The following NUP210 variants were observed in gnomAD, a reference collection of about 807,000 sequenced individuals.
NUP210 encodes nucleoporin 210.
In NUP210, 151 loss-of-function variants were observed where a neutral mutation model predicts 196.0. That is an observed-to-expected ratio of 0.77 (90% CI 0.67 to 0.88). The LOEUF is 0.88. Among genes scored for constraint, NUP210 ranks in the 40% least tolerant of loss-of-function variants. NUP210 has a pLI of 0.00. For synonymous variants in NUP210, 1,070 were observed against 1,052.7 expected, an observed-to-expected ratio of 1.02 and a Z score of -0.32; for missense variants, 2,314 against 2,493.7, an observed-to-expected ratio of 0.93 and a Z score of 1.53.
chr3:13,353,654 T>G lies in NUP210; in HGVS notation c.2528A>C (p.Gln843Pro). 1 of 1,614,002 alleles carries G rather than the reference T, an allele frequency of 6.2e-7. No homozygotes were observed. The highest frequency in any genetic ancestry group is 8.5e-7 in the Non-Finnish European group (1 of 1,179,900). ...ESGQKKLHGL[Q>P]AILVHEASGT... ...TGATGCCTCGTGAACCAAAATGGCCTGCAAACCTGAGACCAGGAAGAAGGA... is the reference window on the plus strand; with the variant it reads ...TGATGCCTCGTGAACCAAAATGGCCGGCAAACCTGAGACCAGGAAGAAGGA... Residue 843 changes from glutamine to proline, a missense_variant, in exon 18 of 40, where the codon CAG (glutamine) becomes CCG (proline). By Grantham distance (76) the Gln-to-Pro change is moderately conservative. Transcript: ENST00000254508.
At position 13,348,750 on chromosome 3, in the gene NUP210, T is replaced by G. The variant is rs539940758; in HGVS notation, c.2835+3129A>C. 2 of 985,332 alleles carry G rather than the reference T, an allele frequency of 2.0e-6. No homozygotes were observed. Among genetic ancestry groups the G allele is most frequent in the Admixed American group, 6.1e-5 (1 of 16,286 alleles). 61.0% of individuals were successfully genotyped at this position (985,332 alleles called of 1,614,324 possible). On this transcript the variant is annotated intron_variant, in intron 20 of 39. Transcript: ENST00000254508. This position sits in a 1 kb window ranked among gnomAD's most constrained non-coding sequence, Gnocchi z 4.0. ...GTCCTGCCATCCAAGGGTCTGCCTC[T>G]GAGAAGAACAGGAACAGTGGGACTC...
At chr3:13,385,157 C>T (rs1278338404) in intron 6 of NUP210, among the ~76,000 whole-genome samples, 5 of 152,224 alleles carry the variant, frequency 3.3e-5, no homozygotes, top group Admixed American at 3.3e-4. Context: ...AATGACCAAC[C>T]AGGTGACTGC....
At chr3:13,378,202 C>T (rs536606310) in intron 8 of NUP210, among the ~76,000 whole-genome samples, 1 of 151,088 alleles carries the variant, frequency 6.6e-6, no homozygotes, top group Non-Finnish European at 1.5e-5. Flanking sequence ...TCTGAATCCA[C>T]AACAGTTCTC....
At chr3:13,364,396 G>A (rs542858423) in intron 14 of NUP210, among the ~76,000 whole-genome samples, 28 of 152,300 alleles carry the variant, frequency 1.8e-4, no homozygotes, top group Admixed American at 5.2e-4. Context: ...TGCTCTGGAG[G>A]TCAGGAGGCC....
intron 29 of NUP210, 26 bp from the exon 30 acceptor site, chr3:13,330,660 T>C: frequency 6.2e-7 from 1 of 1,609,134 alleles, no homozygotes; most frequent in Non-Finnish European, 8.5e-7. Context: ...CAGAGCTGTT[T>C]TTGTAGATGG....
chr3:13,317,882 ACT>A (rs994616965), intron 39 of NUP210, 101 bp from the exon 40 acceptor site: 22 of 798,210 alleles, frequency 2.8e-5, no homozygotes, highest in Non-Finnish European at 3.8e-5. Context: ...CACCCAGGAC[ACT>A]CTCACAGTGA....
intron 20 of NUP210, among the ~76,000 whole-genome samples, chr3:13,346,224 T>C (rs1697720131): frequency 1.3e-5 from 2 of 152,132 alleles, no homozygotes; most frequent in African/African-American, 4.8e-5. Context: ...AGCGATGCTG[T>C]AAGGGCGTGC....
Position 13,376,387 on chromosome 3 carries a change from C to T in NUP210, c.1197G>A (p.Val399=), listed in dbSNP as rs1698910147. 2.5e-6 allele frequency: 4 copies of T among 1,614,098 alleles called. No individual in the cohort carries two copies. The highest frequency in any genetic ancestry group is 3.4e-6 in the Non-Finnish European group (4 of 1,180,032). The change falls in exon 10 of 40, where the codon GTG becomes GTA. Residue 399 remains valine, a synonymous_variant. Coordinates refer to ENST00000254508, the MANE Select transcript of NUP210 (RefSeq NM_024923.4). Reference sequence around the variant, plus strand: ...ATGACCCATTCTGGGAGGACGAGAGCACCTCGAAGAACTCAGCAGGAAGCA... The same window carrying T: ...ATGACCCATTCTGGGAGGACGAGAGTACCTCGAAGAACTCAGCAGGAAGCA... The part of the protein sequence containing the change: ...ETVLPAEFFE[V]LSSSQNGSYH...
rs1171741520 is a variant in NUP210, at chr3:13,354,099, C to T, written c.2337G>A (p.Val779=). The change falls in exon 17 of 40, where the codon GTG becomes GTA. Residue 779 remains valine (V), a synonymous_variant. Transcript: ENST00000254508. ...CCAGCCGGGGGTTGCGGTGGCTGGA[C>T]ACTGGGACCTGCAGGGAACACAGGT... The part of the protein sequence containing the change: ...LLQQNKQVVP[V]SSHRNPRLDL... 6.3e-7 allele frequency: 1 copy of T among 1,590,560 alleles called. No individual in the cohort carries two copies. The highest frequency in any genetic ancestry group is 2.3e-5 in the East Asian group (1 of 43,392).
intron 1 of NUP210, among the ~76,000 whole-genome samples, chr3:13,414,495 G>A (rs1322975797): frequency 1.5e-5 from 1 of 66,900 alleles, no homozygotes; most frequent in Non-Finnish European, 2.8e-5. Context: ...CAAAAACCAG[G>A]CCCAGTCTAA....
At chr3:13,330,713 G>C in intron 29 of NUP210, 79 bp from the exon 30 acceptor site, 1 of 1,386,288 alleles carries the variant, frequency 7.2e-7, no homozygotes, top group East Asian at 2.3e-5. Context: ...GGAGATCTAA[G>C]AGTCTGTGGC....
chr3:13,405,233 T>C (rs4684134), intron 1 of NUP210, among the ~76,000 whole-genome samples: 57,626 of 151,944 alleles, frequency 0.38, 11,437 homozygotes, highest in Non-Finnish European at 0.45. Context: ...TCCAATCAGG[T>C]AACGGCCTGA....
chr3:13,358,460 C>G, intron 15 of NUP210, 65 bp from the exon 16 acceptor site: 1 of 1,467,290 alleles, frequency 6.8e-7, no homozygotes, highest in Non-Finnish European at 9.2e-7. Flanking sequence ...TGAGCTATGC[C>G]ACACCCCACC....
In NUP210 at chr3:13,323,799, C is replaced by T. The variant is rs1436549573; in HGVS notation, c.4645-367G>A. On this transcript the variant is annotated intron_variant, in intron 33 of 39. Coordinates refer to ENST00000254508, the MANE Select transcript of NUP210 (RefSeq NM_024923.4). The surrounding 1 kb of genome is among the most constrained non-coding windows in gnomAD (Gnocchi z 4.3). ...ACACCCCACCCAGAATCCAGTCTGCCCAGATTTTCCCAGCTGTTCCCCCTG... is the reference window on the plus strand; with the variant it reads ...ACACCCCACCCAGAATCCAGTCTGCTCAGATTTTCCCAGCTGTTCCCCCTG... Among the ~76,000 whole-genome samples, 1 of 152,136 alleles carries T rather than the reference C, an allele frequency of 6.6e-6. No individual in the cohort carries two copies. The highest frequency in any genetic ancestry group is 2.4e-5 in the African/African-American group (1 of 41,394).
chr3:13,352,432 AC>A (rs2124879259), intron 18 of NUP210, among the ~76,000 whole-genome samples: 1 of 152,238 alleles, frequency 6.6e-6, no homozygotes, highest in Admixed American at 6.5e-5. Context: ...AGAAGACGCC[AC>A]CCCAACCCAC....
intron 14 of NUP210, among the ~76,000 whole-genome samples, chr3:13,363,048 C>T (rs533258015): frequency 4.6e-5 from 7 of 152,348 alleles, no homozygotes; most frequent in African/African-American, 1.7e-4. Flanking sequence ...GTCTACAAGG[C>T]TGTTTCCCCA....
chr3:13,408,307 A>AT (rs201130455), intron 1 of NUP210, among the ~76,000 whole-genome samples: 186 of 150,294 alleles, frequency 1.2e-3, no homozygotes, highest in Admixed American at 2.8e-3. Flanking sequence ...GGTCTGTGGG[A>AT]TTTTTTTTTT....
intron 9 of NUP210, among the ~76,000 whole-genome samples, chr3:13,377,043 T>A (rs896424395): frequency 2.8e-4 from 42 of 152,088 alleles, no homozygotes; most frequent in Admixed American, 4.6e-4. Context: ...GGGTTCCAGG[T>A]ATTTCTGGAA....
rs569420915 is a variant in NUP210 at position 13,348,506 on chromosome 3, T to C, written c.2835+3373A>G. 5.6e-5 allele frequency: 55 copies of C among 985,354 alleles called. No individual in the cohort carries two copies. The highest frequency in any genetic ancestry group is 6.5e-5 in the Non-Finnish European group (54 of 829,942). 61.0% of individuals were successfully genotyped at this position (985,354 alleles called of 1,614,324 possible). A position where few individuals can be genotyped will look rare whatever the true frequency, so the allele number is the denominator to read the frequency against. On this transcript the variant is annotated intron_variant, in intron 20 of 39. Coordinates refer to ENST00000254508, the MANE Select transcript of NUP210 (RefSeq NM_024923.4). This position sits in a 1 kb window ranked among gnomAD's most constrained non-coding sequence, Gnocchi z 4.0. ...CCCCTCTTCTTGGTAATGGGGAAGT[T>C]TTTATTAATTTCCAAAAATAAACAA...
Sources: allele counts gnomAD v4.1 joint callset (sites outside exome capture counted in the v4.1 genomes callset), GRCh38; gene constraint gnomAD v4.1.1; non-coding constraint Gnocchi (gnomAD v3.1); transcripts MANE v1.5; gene names NCBI Gene and HGNC (gene_info 2026-07-23, HGNC 2026-07-21).